C2CD3: variants seen among roughly 807,000 people sequenced by gnomAD.
The protein encoded by C2CD3 is C2 domain containing 3 centriole elongation regulator.
C2CD3 carries 148 observed loss-of-function variants against 234.0 expected under a neutral mutation model. The ratio of observed to expected loss-of-function variants is 0.63; its 90% CI spans 0.55 to 0.72. The LOEUF is 0.72. Among genes scored for constraint, C2CD3 ranks in the 30% least tolerant of loss-of-function variants. The probability of loss-of-function intolerance (pLI) is 0.00; values close to 1 mark genes in which losing one functional copy is unlikely to be tolerated. For missense variants in C2CD3, 2,577 were observed against 2,811.5 expected, an observed-to-expected ratio of 0.92 and a Z score of 1.89; for synonymous variants, 1,000 against 1,035.4, an observed-to-expected ratio of 0.97 and a Z score of 0.66.
intron 18 of C2CD3, among the ~76,000 whole-genome samples, chr11:74,093,051 T>C (rs1376255028): frequency 6.6e-6 from 1 of 152,176 alleles, no homozygotes; most frequent in Non-Finnish European, 1.5e-5. Context: ...AACTCAAACC[T>C]AGGTGGTTTT....
At chr11:74,141,645 T>G (rs1272963686) in intron 3 of C2CD3, among the ~76,000 whole-genome samples, 1 of 152,144 alleles carries the variant, frequency 6.6e-6, no homozygotes, top group African/African-American at 2.4e-5. Context: ...CTCCTTTGTT[T>G]AGTTAAACAA....
chr11:74,019,721 G>C (rs1049998249), intron 32 of C2CD3, among the ~76,000 whole-genome samples: 1 of 151,838 alleles, frequency 6.6e-6, no homozygotes, highest in African/African-American at 2.4e-5. Context: ...CTGTCGCCCA[G>C]GCTGAAGTGC....
chr11:74,123,417 G>A (rs960950203), intron 7 of C2CD3, among the ~76,000 whole-genome samples: 3 of 152,090 alleles, frequency 2.0e-5, no homozygotes, highest in Non-Finnish European at 4.4e-5. Context: ...GCTAGGTCCT[G>A]GAAGATATAG....
intron 19 of C2CD3, among the ~76,000 whole-genome samples, chr11:74,092,034 G>A (rs1428149447): frequency 6.7e-6 from 1 of 150,312 alleles, no homozygotes; most frequent in East Asian, 1.9e-4. Context: ...ATATATATAT[G>A]TGTGTGTGTG....
intron 3 of C2CD3, among the ~76,000 whole-genome samples, chr11:74,147,372 T>C (rs1855285696): frequency 6.6e-6 from 1 of 152,052 alleles, no homozygotes; most frequent in African/African-American, 2.4e-5. Flanking sequence ...AGTCATGATC[T>C]AACCACTGCA....
intron 7 of C2CD3, among the ~76,000 whole-genome samples, chr11:74,124,561 T>G (rs1957338546): frequency 6.6e-6 from 1 of 152,032 alleles, no homozygotes; most frequent in African/African-American, 2.4e-5. Context: ...CTCATGGGGT[T>G]GGGGTGGGGA....
intron 22 of C2CD3, among the ~76,000 whole-genome samples, chr11:74,081,126 T>TA (rs879678355): frequency 2.6e-5 from 4 of 152,152 alleles, no homozygotes; most frequent in Non-Finnish European, 5.9e-5. Flanking sequence ...AACCTACACT[T>TA]ACTGCACACC....
chr11:74,139,483 G>A (rs1957974014), intron 4 of C2CD3, 122 bp downstream of exon 4: 2 of 787,066 alleles, frequency 2.5e-6, no homozygotes, highest in East Asian at 4.9e-5. Context: ...ACAGTTATCT[G>A]CTAAATGAGG....
At chr11:74,139,252 A>G (rs1301205570) in intron 4 of C2CD3, among the ~76,000 whole-genome samples, 1 of 152,240 alleles carries the variant, frequency 6.6e-6, no homozygotes, top group African/African-American at 2.4e-5. Context: ...ATAATTACTT[A>G]AAACAAAAAC....
chr11:74,104,039 A>G (rs1207580967), intron 13 of C2CD3, among the ~76,000 whole-genome samples: 1 of 152,242 alleles, frequency 6.6e-6, no homozygotes, highest in Non-Finnish European at 1.5e-5. Context: ...ATATGAGAGA[A>G]GAAACAGCTT....
chr11:74,126,844 C>A (rs61901239), intron 7 of C2CD3, among the ~76,000 whole-genome samples: 5 of 152,168 alleles, frequency 3.3e-5, no homozygotes, highest in African/African-American at 1.2e-4. Context: ...AATTTTAAAA[C>A]ATTTTCATCA....
chr11:74,088,331 C>A (rs1176174033), intron 20 of C2CD3, among the ~76,000 whole-genome samples: 1 of 152,126 alleles, frequency 6.6e-6, no homozygotes, highest in Non-Finnish European at 1.5e-5. Flanking sequence ...AAATCAGCCC[C>A]AAATCATACA....
chr11:74,059,019 A>G (rs1409550845), intron 24 of C2CD3, among the ~76,000 whole-genome samples: 1 of 152,160 alleles, frequency 6.6e-6, no homozygotes, highest in Non-Finnish European at 1.5e-5. Flanking sequence ...TATAGACTAT[A>G]TATTTCACGA....
chr11:74,082,932 A>G (rs1425019275), intron 22 of C2CD3, among the ~76,000 whole-genome samples: 3 of 152,210 alleles, frequency 2.0e-5, no homozygotes, highest in African/African-American at 7.2e-5. Context: ...ACAGAATTGG[A>G]AAAAACTACT....
intron 12 of C2CD3, among the ~76,000 whole-genome samples, chr11:74,107,704 C>T (rs1032744685): frequency 6.6e-6 from 1 of 151,966 alleles, no homozygotes. Context: ...CAAAATTATA[C>T]AACATACTGT....
At chr11:74,094,354 A>C (rs1956026369) in intron 17 of C2CD3, among the ~76,000 whole-genome samples, 4 of 152,154 alleles carry the variant, frequency 2.6e-5, no homozygotes, top group Admixed American at 2.6e-4. Flanking sequence ...GTCTATTCAG[A>C]TCCTTTGCCC....
chr11:74,058,769 T>C (rs191533006), intron 24 of C2CD3, among the ~76,000 whole-genome samples: 35 of 152,236 alleles, frequency 2.3e-4, no homozygotes, highest in East Asian at 5.8e-4. Context: ...CTGATGATAC[T>C]AGATAGTCTA....
Position 74,042,081 on chromosome 11 carries a change from G to T in C2CD3, c.5633C>A (p.Ser1878Tyr). ...DDKLTTSPLS[S>Y]QTSILTSLRK... ...GAGAGAAGTCAGAATGGAGGTTTGG[G>T]AGGACAAAGGTGATGTGGTCAGTTT... The change falls in exon 29 of 33, where the codon TCC (serine) becomes TAC (tyrosine). Residue 1878 changes from serine (S) to tyrosine (Y), a missense_variant. By Grantham distance (144) the Ser-to-Tyr change is moderately radical. Transcript: ENST00000334126. 6.2e-7 allele frequency: 1 copy of T among 1,614,056 alleles called. No individual in the cohort carries two copies. Among genetic ancestry groups the T allele is most frequent in the Non-Finnish European group, 8.5e-7 (1 of 1,179,992 alleles).
At chr11:74,043,762 G>A (rs550148771) in intron 28 of C2CD3, among the ~76,000 whole-genome samples, 1 of 151,714 alleles carries the variant, frequency 6.6e-6, no homozygotes, top group South Asian at 2.1e-4. Context: ...TTGAAGAAAT[G>A]TCTATTCAGA....
Sources: gnomAD v4.1 joint callset for allele counts (sites outside exome capture counted in the v4.1 genomes callset) on GRCh38, gnomAD v4.1.1 for gene constraint, MANE v1.5 for transcripts, NCBI Gene and HGNC (gene_info 2026-07-23, HGNC 2026-07-21) for gene names.